The following PLCB1 variants were observed in gnomAD, a reference collection of about 807,000 sequenced individuals.
PLCB1 encodes 1-phosphatidylinositol 4,5-bisphosphate phosphodiesterase beta-1.
Under a neutral mutation model 161.8 loss-of-function variants are expected in PLCB1, and 46 were observed. The observed-to-expected ratio is 0.28, with a 90% CI of 0.22 to 0.36. The LOEUF (loss-of-function observed/expected upper bound fraction) is 0.36. PLCB1 is among the 10% of genes least tolerant of loss of function. The probability of loss-of-function intolerance (pLI) is 1.00; values close to 1 mark genes in which losing one functional copy is unlikely to be tolerated. For synonymous variants in PLCB1, 517 were observed against 503.7 expected (o/e 1.03, Z -0.35); for missense variants, 1,016 against 1,472.5 (o/e 0.69, Z 5.07).
At chr20:8,492,030 C>T (rs1015864160) in intron 3 of PLCB1, among the ~76,000 whole-genome samples, 2 of 151,970 alleles carry the variant, frequency 1.3e-5, no homozygotes, top group African/African-American at 2.4e-5. Context: ...GTAGAAATAA[C>T]AAAATTCACT....
intron 2 of PLCB1, among the ~76,000 whole-genome samples, chr20:8,297,082 A>G (rs527924623): frequency 2.0e-5 from 3 of 152,040 alleles, no homozygotes; most frequent in African/African-American, 7.2e-5. Context: ...ACACACCTAT[A>G]TATACATCTG....
intron 3 of PLCB1, among the ~76,000 whole-genome samples, chr20:8,418,965 T>G (rs769630086): frequency 6.6e-6 from 1 of 152,180 alleles, no homozygotes; most frequent in African/African-American, 2.4e-5. Flanking sequence ...TTTTTAAAAC[T>G]CAGTCTATAT....
At chr20:8,638,500 G>A (rs1477368503) in intron 4 of PLCB1, among the ~76,000 whole-genome samples, 5 of 151,832 alleles carry the variant, frequency 3.3e-5, no homozygotes, top group Middle Eastern at 6.8e-3. Flanking sequence ...CATTATACAC[G>A]CACACACGCA....
At chr20:8,554,751 C>G (rs961450810) in intron 3 of PLCB1, among the ~76,000 whole-genome samples, 1 of 151,988 alleles carries the variant, frequency 6.6e-6, no homozygotes, top group African/African-American at 2.4e-5. Context: ...ATAAATTATA[C>G]CTCAATAAAA....
chr20:8,774,702 C>A lies in PLCB1; in HGVS notation c.3094C>A (p.Arg1032=). ...GTATTATAGTGAAAAATACCAGAAG[C>A]GAGAACATATTAAACTGGTGAGCCT... ...EQYYSEKYQK[R]EHIKLLIQKL... Residue 1032 remains arginine (R), a synonymous_variant, in exon 27 of 32, where the codon CGA becomes AGA. Transcript: ENST00000338037. 1.9e-6 allele frequency: 3 copies of A among 1,602,054 alleles called. No individual in the cohort carries two copies. In the South Asian group the frequency reaches 3.3e-5, roughly 18 times the overall value.
At chr20:8,240,162 A>G (rs73897368) in intron 2 of PLCB1, among the ~76,000 whole-genome samples, 1 of 151,776 alleles carries the variant, frequency 6.6e-6, no homozygotes, top group Non-Finnish European at 1.5e-5. Context: ...ATGAAAAAAA[A>G]CAAAAGCTGT....
intron 3 of PLCB1, among the ~76,000 whole-genome samples, chr20:8,512,450 T>G (rs1480723803): frequency 6.6e-6 from 1 of 152,178 alleles, no homozygotes; most frequent in Non-Finnish European, 1.5e-5. Flanking sequence ...AATATAAACC[T>G]CCCAAAAGTT....
intron 2 of PLCB1, among the ~76,000 whole-genome samples, chr20:8,318,131 C>A (rs1984742025): frequency 6.6e-6 from 1 of 152,010 alleles, no homozygotes; most frequent in African/African-American, 2.4e-5. Context: ...CTCTGTGATG[C>A]ATCCTAGTAT....
chr20:8,205,955 T>C (rs866143942), intron 2 of PLCB1, among the ~76,000 whole-genome samples: 3 of 152,276 alleles, frequency 2.0e-5, no homozygotes, highest in Middle Eastern at 6.8e-3. Flanking sequence ...AATATATAGG[T>C]AGATCATCCT....
rs201513919 is a variant in PLCB1, at chr20:8,132,785, C to T, written c.99+35C>T. On this transcript the variant is annotated intron_variant, in intron 1 of 31. Coordinates refer to ENST00000338037, the MANE Select transcript of PLCB1 (RefSeq NM_015192.4). The surrounding 1 kb of genome is among the most constrained non-coding windows in gnomAD (Gnocchi z 5.2). ...GGGGCGGCCCGAGTCGGGGCGCTGG[C>T]TCGGGCACCGGGCAGGGCGGGCGTC... is the stretch of plus-strand genomic sequence containing the variant. The T allele has an allele frequency of 2.7e-6, 4 of 1,493,268 alleles. No individual in the cohort carries two copies. Among genetic ancestry groups the T allele is most frequent in the East Asian group, 4.6e-5 (2 of 43,786 alleles). 92.5% of individuals were successfully genotyped at this position (1,493,268 alleles called of 1,614,324 possible). A position where few individuals can be genotyped will look rare whatever the true frequency, so the allele number is the denominator to read the frequency against.
intron 26 of PLCB1, among the ~76,000 whole-genome samples, chr20:8,772,824 G>A (rs918102123): frequency 1.1e-4 from 16 of 152,012 alleles, no homozygotes; most frequent in Non-Finnish European, 2.4e-4. Context: ...TCCCAGCTAC[G>A]GAGGCTGAGG....
chr20:8,878,889 A>G (rs950221538), intron 31 of PLCB1, among the ~76,000 whole-genome samples: 5 of 152,116 alleles, frequency 3.3e-5, no homozygotes, highest in Non-Finnish European at 7.4e-5. Flanking sequence ...GGTTTGGGAT[A>G]CGAATGATCC....
At chr20:8,665,185 C>CT (rs1455003687) in intron 9 of PLCB1, among the ~76,000 whole-genome samples, 1 of 152,184 alleles carries the variant, frequency 6.6e-6, no homozygotes, top group Non-Finnish European at 1.5e-5. Context: ...TTCATTATGA[C>CT]TTTTTATTTG....
chr20:8,846,015 CTATTG>C (rs1489738301), intron 31 of PLCB1, among the ~76,000 whole-genome samples: 1 of 152,166 alleles, frequency 6.6e-6, no homozygotes, highest in Non-Finnish European at 1.5e-5. Flanking sequence ...GGAATTGCAA[CTATTG>C]TATTAGTCCA....
At chr20:8,855,132 A>T (rs6086649) in intron 31 of PLCB1, among the ~76,000 whole-genome samples, 38,538 of 152,072 alleles carry the variant, frequency 0.25, 6,539 homozygotes, top group East Asian at 0.63. Flanking sequence ...TCTCTTTTTG[A>T]TATTCTTGAG....
chr20:8,295,580 A>G (rs1471293136), intron 2 of PLCB1, among the ~76,000 whole-genome samples: 1 of 152,158 alleles, frequency 6.6e-6, no homozygotes, highest in Non-Finnish European at 1.5e-5. Context: ...TAATCAAAAT[A>G]AATAAATAAA....
chr20:8,392,286 T>TG (rs1276045713), intron 3 of PLCB1, among the ~76,000 whole-genome samples: 1 of 152,090 alleles, frequency 6.6e-6, no homozygotes, highest in East Asian at 1.9e-4. Flanking sequence ...AAATGCCACC[T>TG]TGAAACAGAG....
intron 3 of PLCB1, among the ~76,000 whole-genome samples, chr20:8,427,683 G>T (rs76246063): frequency 0.037 from 5,629 of 152,222 alleles, 150 homozygotes; most frequent in Non-Finnish European, 0.057. Flanking sequence ...AGAGTGAGGG[G>T]CTGGAAATTT....
chr20:8,657,583 A>G (rs1318090444), intron 8 of PLCB1, among the ~76,000 whole-genome samples: 3 of 152,066 alleles, frequency 2.0e-5, no homozygotes, highest in African/African-American at 7.2e-5. Context: ...TTGGCTTAGC[A>G]GAAATAGACT....
Sources: gnomAD v4.1 joint callset for allele counts (sites outside exome capture counted in the v4.1 genomes callset) on GRCh38, gnomAD v4.1.1 for gene constraint, Gnocchi (gnomAD v3.1) non-coding constraint, MANE v1.5 for transcripts, NCBI Gene and HGNC (gene_info 2026-07-23, HGNC 2026-07-21) for gene names.